The following SUSD4 variants were observed in gnomAD, a reference collection of about 807,000 sequenced individuals.
SUSD4 encodes the protein sushi domain containing 4.
In SUSD4, 41 loss-of-function variants were observed where a neutral mutation model predicts 50.5. The ratio of observed to expected loss-of-function variants is 0.81; its 90% CI spans 0.63 to 1.05. The LOEUF (loss-of-function observed/expected upper bound fraction) is 1.05, where lower values mean the gene tolerates loss of function less well. Ranked by LOEUF, SUSD4 falls within the 50% of genes least tolerant of loss-of-function variation. The pLI is 0.00. For missense variants in SUSD4, 580 were observed against 634.7 expected, an observed-to-expected ratio of 0.91 and a Z score of 0.93; for synonymous variants, 257 against 257.3, an observed-to-expected ratio of 1.00 and a Z score of 0.01.
At chr1:223,285,708 G>C (rs1460368040) in intron 3 of SUSD4, among the ~76,000 whole-genome samples, 1 of 152,166 alleles carries the variant, frequency 6.6e-6, no homozygotes, top group Non-Finnish European at 1.5e-5. Flanking sequence ...GATGGAGCTG[G>C]AGGCCATTAT....
intron 2 of SUSD4, among the ~76,000 whole-genome samples, chr1:223,295,274 C>A (rs1008496131): frequency 6.6e-6 from 1 of 152,134 alleles, no homozygotes; most frequent in African/African-American, 2.4e-5. Context: ...GAAACATTAG[C>A]AGCAATGGAA....
Position 223,227,163 on chromosome 1 carries a change from A to T in SUSD4, c.1061+431T>A, listed in dbSNP as rs1389923426. On this transcript the variant is annotated intron_variant, in intron 7 of 8. Transcript: ENST00000366878. The surrounding 1 kb of genome is among the most constrained non-coding windows in gnomAD (Gnocchi z 4.5). ...TCCTTCCTGAGGCTTCTCAATGCAT[A>T]ACACTTTTGTTCACACACCTCTGAC... Among the ~76,000 whole-genome samples, 4 of 152,192 alleles carry T rather than the reference A, an allele frequency of 2.6e-5. 1 individual carries two copies. The highest frequency in any genetic ancestry group is 4.1e-4 in the South Asian group (2 of 4,824).
At chr1:223,268,457 G>A (rs377474056) in intron 4 of SUSD4, 45 bp downstream of exon 4, 21 of 1,575,846 alleles carry the variant, frequency 1.3e-5, no homozygotes, top group African/African-American at 8.1e-5. Flanking sequence ...AATAAAGTCC[G>A]AGAGAATAAT....
chr1:223,270,493 A>C (rs915929525), intron 3 of SUSD4, among the ~76,000 whole-genome samples: 4 of 152,124 alleles, frequency 2.6e-5, no homozygotes, highest in African/African-American at 9.7e-5. Flanking sequence ...TGATTTCAAC[A>C]AAGAGAGTCT....
intron 2 of SUSD4, among the ~76,000 whole-genome samples, chr1:223,349,016 G>C (rs1046091644): frequency 3.3e-5 from 5 of 152,060 alleles, no homozygotes; most frequent in African/African-American, 1.2e-4. Context: ...AGGAGACTGA[G>C]ACCACAATGG....
intron 5 of SUSD4, among the ~76,000 whole-genome samples, chr1:223,249,798 C>T (rs1661182481): frequency 6.6e-6 from 1 of 152,144 alleles, no homozygotes; most frequent in African/African-American, 2.4e-5. Context: ...GCATGCTATT[C>T]TGTGAAAGGC....
intron 2 of SUSD4, among the ~76,000 whole-genome samples, chr1:223,331,634 G>T (rs1667179887): frequency 6.6e-6 from 1 of 152,152 alleles, no homozygotes; most frequent in Non-Finnish European, 1.5e-5. Context: ...GGTGCTCAGG[G>T]CCTGAGACTT....
intron 5 of SUSD4, among the ~76,000 whole-genome samples, chr1:223,237,008 G>A (rs1415243871): frequency 6.6e-6 from 1 of 151,994 alleles, no homozygotes; most frequent in Non-Finnish European, 1.5e-5. Context: ...CATTTATTTA[G>A]TTCTTTGATT....
chr1:223,321,767 G>A (rs781348631), intron 2 of SUSD4, among the ~76,000 whole-genome samples: 21 of 152,204 alleles, frequency 1.4e-4, no homozygotes, highest in Non-Finnish European at 2.2e-4. Flanking sequence ...ATAGTATTAT[G>A]AAGGAAACTG....
intron 5 of SUSD4, among the ~76,000 whole-genome samples, chr1:223,252,655 G>T (rs1269368331): frequency 6.6e-6 from 1 of 151,992 alleles, no homozygotes; most frequent in Non-Finnish European, 1.5e-5. Flanking sequence ...TGTAGGCACA[G>T]GTGTTTACTT....
chr1:223,263,177 A>T (rs1470977132), intron 5 of SUSD4, among the ~76,000 whole-genome samples: 1 of 152,224 alleles, frequency 6.6e-6, no homozygotes, highest in Non-Finnish European at 1.5e-5. Flanking sequence ...CTGAGTAGGG[A>T]GAAGCCTCCA....
At chr1:223,256,119 T>C (rs1177656275) in intron 5 of SUSD4, among the ~76,000 whole-genome samples, 1 of 152,184 alleles carries the variant, frequency 6.6e-6, no homozygotes, top group Non-Finnish European at 1.5e-5. Flanking sequence ...ACAGTGTAGC[T>C]TGGGGCAGAT....
chr1:223,328,468 G>A (rs1399345352), intron 2 of SUSD4, among the ~76,000 whole-genome samples: 1 of 152,192 alleles, frequency 6.6e-6, no homozygotes, highest in African/African-American at 2.4e-5. Flanking sequence ...CTGTTCTTGA[G>A]AAGTTCTCAA....
At chr1:223,294,195 C>T (rs2103156121) in intron 2 of SUSD4, among the ~76,000 whole-genome samples, 1 of 152,282 alleles carries the variant, frequency 6.6e-6, no homozygotes, top group South Asian at 2.1e-4. Flanking sequence ...TAGATGGGGA[C>T]TGGTGTACTG....
chr1:223,249,632 A>G (rs1348802488), intron 5 of SUSD4, among the ~76,000 whole-genome samples: 1 of 152,218 alleles, frequency 6.6e-6, no homozygotes, highest in Non-Finnish European at 1.5e-5. Flanking sequence ...GTATGCACTT[A>G]TGGGTTCTAT....
chr1:223,298,628 C>T (rs1205170142), intron 2 of SUSD4, among the ~76,000 whole-genome samples: 1 of 152,116 alleles, frequency 6.6e-6, no homozygotes, highest in African/African-American at 2.4e-5. Context: ...GTCGTATCCC[C>T]CACTCTTTGC....
At chr1:223,258,080 T>TCTGTTCTTTC (rs1490677438) in intron 5 of SUSD4, among the ~76,000 whole-genome samples, 2 of 152,106 alleles carry the variant, frequency 1.3e-5, no homozygotes, top group Non-Finnish European at 2.9e-5. Context: ...GCCTGGATTC[T>TCTGTTCTTTC]CTGCTGTGTC....
chr1:223,289,744 T>A (rs1168676479), intron 3 of SUSD4, among the ~76,000 whole-genome samples: 1 of 152,190 alleles, frequency 6.6e-6, no homozygotes, highest in Non-Finnish European at 1.5e-5. Flanking sequence ...TAAATCGGAA[T>A]GAGGGCTTGA....
At chr1:223,301,893 G>GA (rs1665221071) in intron 2 of SUSD4, among the ~76,000 whole-genome samples, 1 of 152,076 alleles carries the variant, frequency 6.6e-6, no homozygotes, top group Non-Finnish European at 1.5e-5. Flanking sequence ...ACCACCTTGA[G>GA]TTTCCCATCA....
Sources: gnomAD v4.1 joint callset for allele counts (sites outside exome capture counted in the v4.1 genomes callset) on GRCh38, gnomAD v4.1.1 for gene constraint, Gnocchi (gnomAD v3.1) non-coding constraint, MANE v1.5 for transcripts, NCBI Gene and HGNC (gene_info 2026-07-23, HGNC 2026-07-21) for gene names.